Variants in DCUN1D4 observed in about 807,000 individuals in gnomAD.
DCUN1D4 encodes the protein DCN1-like protein 4.
DCUN1D4 carries 22 observed loss-of-function variants against 47.9 expected under a neutral mutation model. The ratio of observed to expected loss-of-function variants is 0.46; its 90% CI spans 0.33 to 0.66. The LOEUF is 0.66. DCUN1D4 is among the 30% of genes least tolerant of loss of function. The pLI, the probability that DCUN1D4 is intolerant of heterozygous loss-of-function variation, is 0.02. For missense variants in DCUN1D4, 301 were observed against 340.8 expected, an observed-to-expected ratio of 0.88 and a Z score of 0.92; for synonymous variants, 121 against 112.2, an observed-to-expected ratio of 1.08 and a Z score of -0.50.
chr4:51,872,365 G>T (rs1454787741), intron 3 of DCUN1D4, among the ~76,000 whole-genome samples: 2 of 152,192 alleles, frequency 1.3e-5, no homozygotes, highest in Non-Finnish European at 2.9e-5. Flanking sequence ...TCTGGAAAGA[G>T]CTGTTCACAT....
chr4:51,842,180 A>G (rs1226901407), upstream of DCUN1D4, among the ~76,000 whole-genome samples: 3 of 152,108 alleles, frequency 2.0e-5, no homozygotes, highest in East Asian at 5.8e-4. Context: ...GCCAGTTTCA[A>G]TTTCTGGACG....
intron 6 of DCUN1D4, among the ~76,000 whole-genome samples, chr4:51,890,919 TTCTGAAACCTGCA>T (rs1205881247): frequency 6.6e-6 from 1 of 152,272 alleles, no homozygotes; most frequent in African/African-American, 2.4e-5. Flanking sequence ...TTGTCACTGT[TTCTGAAACCTGCA>T]TGGTTTCAGA....
chr4:51,842,342 T>TGTCC (rs1341836222), upstream of DCUN1D4, among the ~76,000 whole-genome samples: 1 of 152,092 alleles, frequency 6.6e-6, no homozygotes, highest in Non-Finnish European at 1.5e-5. Flanking sequence ...GGCATACAGA[T>TGTCC]GTGTGTGACG....
chr4:51,850,987 C>G (rs1723279368), intron 1 of DCUN1D4, among the ~76,000 whole-genome samples: 1 of 152,078 alleles, frequency 6.6e-6, no homozygotes, highest in Non-Finnish European at 1.5e-5. Context: ...AGGCAAAAAT[C>G]ATAAGTGGTC....
chr4:51,839,878 C>G (rs903851175), upstream of DCUN1D4, among the ~76,000 whole-genome samples: 2 of 152,182 alleles, frequency 1.3e-5, no homozygotes, highest in Admixed American at 6.5e-5. Context: ...TAGGGGAAAG[C>G]GTAACATTTG....
chr4:51,849,269 T>A (rs1342534492), intron 1 of DCUN1D4, among the ~76,000 whole-genome samples: 2 of 152,148 alleles, frequency 1.3e-5, no homozygotes, highest in Non-Finnish European at 1.5e-5. Context: ...GGATGCACAG[T>A]GGTGGCTGCT....
chr4:51,863,323 C>A, intron 1 of DCUN1D4, 114 bp from the exon 2 acceptor site: 1 of 850,030 alleles, frequency 1.2e-6, no homozygotes, highest in South Asian at 1.6e-5. Flanking sequence ...ACTTTAGTGT[C>A]AAATTAATTG....
At chr4:51,865,601 G>C (rs898077568) in intron 3 of DCUN1D4, 6 of 152,282 alleles carry the variant, frequency 3.9e-5, no homozygotes, top group African/African-American at 1.4e-4. Flanking sequence ...ACATTTGTAT[G>C]CATGCATATA....
intron 3 of DCUN1D4, among the ~76,000 whole-genome samples, chr4:51,871,365 C>G (rs1296196534): frequency 6.6e-6 from 1 of 152,188 alleles, no homozygotes; most frequent in African/African-American, 2.4e-5. Context: ...ACATGCTAAT[C>G]TTGACAAGTA....
intron 6 of DCUN1D4, chr4:51,887,177 T>G: frequency 9.1e-6 from 4 of 441,254 alleles, no homozygotes; most frequent in Non-Finnish European, 1.8e-5. Flanking sequence ...GTCGGCTCAC[T>G]GCAACCTCTG....
At chr4:51,880,506 C>G (rs1205185732) in intron 5 of DCUN1D4, among the ~76,000 whole-genome samples, 2 of 152,140 alleles carry the variant, frequency 1.3e-5, no homozygotes, top group African/African-American at 4.8e-5. Flanking sequence ...TGTACCTTGC[C>G]CTCTGCTTTC....
At position 51,914,961 on chromosome 4, in the gene DCUN1D4, G is replaced by A. The variant is rs1227453923; in HGVS notation, c.*1377G>A. On this transcript the variant is annotated 3_prime_UTR_variant, in exon 11 of 11. Transcript: ENST00000334635. ...CACAAAAGTCTAATGATTTGAGTGA[G>A]TAAAAGGTAATGGTGCATTTGAACA... 6.6e-6 allele frequency: 1 copy of A among 152,154 alleles called. No individual in the cohort carries two copies. Among genetic ancestry groups the A allele is most frequent in the African/African-American group, 2.4e-5 (1 of 41,326 alleles). 9.4% of individuals were successfully genotyped at this position (152,154 alleles called of 1,614,324 possible).
upstream of DCUN1D4, among the ~76,000 whole-genome samples, chr4:51,840,318 T>C (rs1258232640): frequency 6.6e-6 from 1 of 152,020 alleles, no homozygotes; most frequent in East Asian, 1.9e-4. Context: ...ATGAAATACA[T>C]AAAAAAGAAG....
At chr4:51,862,511 T>C (rs926288475) in intron 1 of DCUN1D4, among the ~76,000 whole-genome samples, 26 of 152,222 alleles carry the variant, frequency 1.7e-4, no homozygotes, top group Admixed American at 5.2e-4. Context: ...TTTTTTTCTT[T>C]CTTTCTTTTT....
intron 3 of DCUN1D4, among the ~76,000 whole-genome samples, chr4:51,868,696 A>G (rs954458497): frequency 6.6e-6 from 1 of 152,218 alleles, no homozygotes; most frequent in Non-Finnish European, 1.5e-5. Flanking sequence ...GAGATCGGGT[A>G]TCTTCCTGCT....
At chr4:51,870,920 T>C (rs1306025136) in intron 3 of DCUN1D4, among the ~76,000 whole-genome samples, 4 of 152,190 alleles carry the variant, frequency 2.6e-5, no homozygotes, top group Non-Finnish European at 4.4e-5. Flanking sequence ...GGCTCTGCCT[T>C]GACCAGCTGT....
At chr4:51,847,091 T>C (rs1457394626) in intron 1 of DCUN1D4, among the ~76,000 whole-genome samples, 1 of 152,210 alleles carries the variant, frequency 6.6e-6, no homozygotes, top group East Asian at 1.9e-4. Flanking sequence ...TTTACCAGCA[T>C]CTCTTGTAAG....
upstream of DCUN1D4, among the ~76,000 whole-genome samples, chr4:51,842,393 A>G (rs1292618795): frequency 6.6e-6 from 1 of 152,214 alleles, no homozygotes; most frequent in Non-Finnish European, 1.5e-5. Flanking sequence ...AACAGACATT[A>G]GTGACTAGAG....
At chr4:51,877,583 CTG>C (rs1009960990) in intron 4 of DCUN1D4, 178 bp from the exon 5 acceptor site, 120 of 476,252 alleles carry the variant, frequency 2.5e-4, no homozygotes, top group Admixed American at 2.9e-4. Context: ...TTAGGAGTGA[CTG>C]TGTTTAAACA....
Sources: gnomAD v4.1 joint callset for allele counts (sites outside exome capture counted in the v4.1 genomes callset) on GRCh38, gnomAD v4.1.1 for gene constraint, MANE v1.5 for transcripts, NCBI Gene and HGNC (gene_info 2026-07-23, HGNC 2026-07-21) for gene names.